Variants in LIPA observed in about 807,000 individuals in gnomAD.
LIPA encodes the protein lysosomal acid lipase/cholesteryl ester hydrolase.
A neutral mutation model predicts 40.6 loss-of-function variants in LIPA; 26 were observed. The ratio of observed to expected loss-of-function variants is 0.64; its 90% CI spans 0.47 to 0.89. The LOEUF is 0.89. Ranked by LOEUF, LIPA falls within the 40% of genes least tolerant of loss-of-function variation. The pLI, the probability that LIPA is intolerant of heterozygous loss-of-function variation, is 0.00. For synonymous variants in LIPA, 188 were observed against 168.4 expected (o/e 1.12, Z -0.90); for missense variants, 455 against 479.6 (o/e 0.95, Z 0.48).
chr10:89,288,337 T>C (rs1327499549), intron 1 of LIPA, among the ~76,000 whole-genome samples: 1 of 152,132 alleles, frequency 6.6e-6, no homozygotes, highest in African/African-American at 2.4e-5. Flanking sequence ...GCTGACCCCA[T>C]AGATCCTAAA....
At chr10:89,252,488 CA>C (rs1046759682), upstream of LIPA, among the ~76,000 whole-genome samples, 5 of 151,920 alleles carry the variant, frequency 3.3e-5, no homozygotes, top group African/African-American at 1.2e-4. Context: ...TAAATAACAA[CA>C]AAAACAAACA....
chr10:89,262,714 C>T (rs1000735024), intron 1 of LIPA, among the ~76,000 whole-genome samples: 7 of 152,260 alleles, frequency 4.6e-5, no homozygotes, highest in African/African-American at 1.4e-4. Context: ...TTTATCAGAT[C>T]GCAGGGTGAC....
chr10:89,332,762 A>G (rs1322278790), intron 1 of LIPA: 1 of 924,780 alleles, frequency 1.1e-6, no homozygotes, highest in Non-Finnish European at 1.7e-6. Context: ...TTACCAATTC[A>G]TGCATTTTTA....
At chr10:89,277,118 T>G (rs1843292932) in intron 1 of LIPA, among the ~76,000 whole-genome samples, 1 of 152,170 alleles carries the variant, frequency 6.6e-6, no homozygotes, top group African/African-American at 2.4e-5. Flanking sequence ...GAAGGAAGTA[T>G]CCAGGAAATG....
At chr10:89,281,571 C>T (rs113298484) in intron 1 of LIPA, among the ~76,000 whole-genome samples, 108 of 152,196 alleles carry the variant, frequency 7.1e-4, no homozygotes, top group Admixed American at 2.0e-3. Context: ...AACTAAGGCT[C>T]CAATAGATCA....
rs755694575 is a variant in LIPA, at chr10:89,223,802, G to C, written c.704C>G (p.Pro235Arg). ...CAGCCACTTCAAAAACGCACTCTGG[G>C]GAAGAAATTCTTTGTCTCCAAATAA... Reference protein sequence around the residue: ...KDLFGDKEFLPQSAFLKWLGT... With the variant: ...KDLFGDKEFLRQSAFLKWLGT... The change falls in exon 7 of 10, where the codon CCC becomes CGC. Residue 235 changes from proline (P) to arginine (R), a missense_variant. Physicochemically the swap from Pro to Arg is moderately radical, Grantham distance 103 (BLOSUM62 -2). Coordinates refer to ENST00000336233, the MANE Select transcript of LIPA (RefSeq NM_000235.4). 3 of 1,613,956 alleles carry C rather than the reference G, an allele frequency of 1.9e-6. No homozygotes were observed. The Admixed American group carries it at 5.0e-5, about 27-fold the overall frequency.
At chr10:89,327,372 G>A (rs1330338830) in intron 1 of LIPA, among the ~76,000 whole-genome samples, 9 of 152,060 alleles carry the variant, frequency 5.9e-5, no homozygotes, top group African/African-American at 1.2e-4. Flanking sequence ...CCAACATGGC[G>A]AAACCTCGTC....
At chr10:89,332,725 T>C in intron 1 of LIPA, 1 of 1,213,454 alleles carries the variant, frequency 8.2e-7, no homozygotes, top group Non-Finnish European at 1.2e-6. Flanking sequence ...GAAATATGCA[T>C]TTATCTAATT....
chr10:89,217,788 G>A (rs1255278916), intron 8 of LIPA, among the ~76,000 whole-genome samples: 3 of 152,236 alleles, frequency 2.0e-5, no homozygotes, highest in Non-Finnish European at 4.4e-5. Flanking sequence ...ATTGTATGCA[G>A]TTGATAAGAA....
chr10:89,255,286 G>T (rs888361527), upstream of LIPA, among the ~76,000 whole-genome samples: 1 of 152,188 alleles, frequency 6.6e-6, no homozygotes, highest in African/African-American at 2.4e-5. Flanking sequence ...AAGGCAAAAG[G>T]CACGTCTTAC....
intron 2 of LIPA, among the ~76,000 whole-genome samples, chr10:89,355,776 A>G (rs1171613055): frequency 2.6e-5 from 4 of 152,234 alleles, no homozygotes; most frequent in Non-Finnish European, 5.9e-5. Flanking sequence ...GCTAATTATA[A>G]TGCTAAATTT....
intron 2 of LIPA, among the ~76,000 whole-genome samples, chr10:89,360,940 G>C (rs988330637): frequency 8.6e-5 from 13 of 152,012 alleles, no homozygotes; most frequent in Non-Finnish European, 1.6e-4. Flanking sequence ...CTCCTCTTAG[G>C]TGCCATGCTC....
At chr10:89,245,818 A>C (rs747769889) in intron 2 of LIPA, 25 bp from the exon 3 acceptor site, 1 of 1,162,618 alleles carries the variant, frequency 8.6e-7, no homozygotes, top group Non-Finnish European at 1.3e-6. Flanking sequence ...GACGATGGAA[A>C]TTGGGTGGAC....
intron 1 of LIPA, among the ~76,000 whole-genome samples, chr10:89,316,318 C>T (rs1843541331): frequency 6.6e-6 from 1 of 152,184 alleles, no homozygotes; most frequent in Non-Finnish European, 1.5e-5. Flanking sequence ...CTTTCCTAGC[C>T]AAGGGAAGCC....
In LIPA at chr10:89,223,842, A is replaced by G; in HGVS notation, c.676-12T>C. On this transcript the variant is annotated splice_polypyrimidine_tract_variant and intron_variant, in intron 6 of 9. Transcript: ENST00000336233. ...TCTCCAAATAAGTCCTACAAAATAA[A>G]AAGAAACCCAAGAACATCTCAGCAT... is the stretch of plus-strand genomic sequence containing the variant. 6.2e-7 allele frequency: 1 copy of G among 1,613,902 alleles called. No individual in the cohort carries two copies. Among genetic ancestry groups the G allele is most frequent in the Non-Finnish European group, 8.5e-7 (1 of 1,179,832 alleles).
rs564512486 is a variant in LIPA at position 89,321,922 on chromosome 10, A to G, written c.-2+20689T>C. On this transcript the variant is annotated intron_variant, in intron 1 of 5. Coordinates refer to the LIPA transcript ENST00000282673. ...GGATGAGTTCATGTCCTTTGTAGGG[A>G]CATGGATGAAGCTGGAAACCATCAT... is the stretch of plus-strand genomic sequence containing the variant. Among the ~76,000 whole-genome samples the G allele has an allele frequency of 5.0e-4, 76 of 152,318 alleles. 1 individual carries two copies. The East Asian group carries it at 0.014, about 28-fold the overall frequency.
intron 3 of LIPA, among the ~76,000 whole-genome samples, chr10:89,240,999 T>C (rs140031777): frequency 6.6e-6 from 1 of 152,234 alleles, no homozygotes; most frequent in East Asian, 1.9e-4. Flanking sequence ...CATAATAATA[T>C]ATTGTTTATT....
intron 2 of LIPA, among the ~76,000 whole-genome samples, chr10:89,367,800 C>A (rs1250089702): frequency 6.6e-6 from 1 of 152,102 alleles, no homozygotes; most frequent in African/African-American, 2.4e-5. Flanking sequence ...GCATGAACTT[C>A]TTTTGTGCCA....
chr10:89,370,967 G>A (rs1369640776), intron 2 of LIPA, among the ~76,000 whole-genome samples: 6 of 152,150 alleles, frequency 3.9e-5, no homozygotes, highest in Non-Finnish European at 8.8e-5. Flanking sequence ...GCAGGGAGCC[G>A]AGATCGCACC....
Sources: allele counts gnomAD v4.1 joint callset (sites outside exome capture counted in the v4.1 genomes callset), GRCh38; gene constraint gnomAD v4.1.1; transcripts MANE v1.5; gene names NCBI Gene and HGNC (gene_info 2026-07-23, HGNC 2026-07-21).